Variants in LRRTM4 observed in about 807,000 individuals in gnomAD.
LRRTM4 encodes the protein leucine-rich repeat transmembrane neuronal protein 4.
Under a neutral mutation model 47.6 loss-of-function variants are expected in LRRTM4, and 25 were observed. The ratio of observed to expected loss-of-function variants is 0.53; its 90% confidence interval spans 0.38 to 0.73. The LOEUF is 0.73. Ranked by LOEUF, LRRTM4 falls within the 30% of genes least tolerant of loss-of-function variation. The pLI is 0.00. For missense variants in LRRTM4, 638 were observed against 713.4 expected, an observed-to-expected ratio of 0.89 and a Z score of 1.20; for synonymous variants, 311 against 269.5, an observed-to-expected ratio of 1.15 and a Z score of -1.51.
At chr2:77,201,639 T>C (rs6743825) in intron 3 of LRRTM4, among the ~76,000 whole-genome samples, 29,774 of 151,962 alleles carry the variant, frequency 0.2, 5,615 homozygotes, top group African/African-American at 0.49. Context: ...AGTGTTCTTT[T>C]AATATACCTA....
At chr2:77,485,657 A>T (rs1677881587) in intron 3 of LRRTM4, among the ~76,000 whole-genome samples, 1 of 152,214 alleles carries the variant, frequency 6.6e-6, no homozygotes, top group Non-Finnish European at 1.5e-5. Context: ...CTTGAACAAG[A>T]CAGCCTGGAA....
At chr2:76,810,976 A>AAGTT (rs950040661) in intron 3 of LRRTM4, among the ~76,000 whole-genome samples, 2 of 152,180 alleles carry the variant, frequency 1.3e-5, no homozygotes. Flanking sequence ...GTTAAAAAAA[A>AAGTT]AGTTAATAAC....
At chr2:77,144,841 CA>C (rs1385384047) in intron 3 of LRRTM4, among the ~76,000 whole-genome samples, 6 of 152,112 alleles carry the variant, frequency 3.9e-5, no homozygotes, top group African/African-American at 1.4e-4. Flanking sequence ...ACAACAAGAG[CA>C]AATATATTGA....
chr2:76,807,753 GACTA>G (rs140593639), intron 3 of LRRTM4, among the ~76,000 whole-genome samples: 17,710 of 150,830 alleles, frequency 0.12, 1,352 homozygotes, highest in Admixed American at 0.2. Flanking sequence ...CTCCACACCT[GACTA>G]ACTTTTATAT....
intron 3 of LRRTM4, among the ~76,000 whole-genome samples, chr2:76,872,948 T>A (rs1308840522): frequency 6.6e-6 from 1 of 152,088 alleles, no homozygotes; most frequent in Non-Finnish European, 1.5e-5. Flanking sequence ...CTTTTCACTT[T>A]CCACTATGAT....
chr2:76,853,225 C>A (rs984533396), intron 3 of LRRTM4, among the ~76,000 whole-genome samples: 2 of 152,014 alleles, frequency 1.3e-5, no homozygotes, highest in African/African-American at 4.8e-5. Flanking sequence ...GGGCTATTGT[C>A]GCTATCATAG....
intron 3 of LRRTM4, among the ~76,000 whole-genome samples, chr2:77,065,763 C>CA (rs1679930526): frequency 6.6e-6 from 1 of 152,096 alleles, no homozygotes; most frequent in South Asian, 2.1e-4. Flanking sequence ...AGTCTCCCCC[C>CA]ATTAGTTAAC....
At chr2:77,218,982 G>T (rs560006051) in intron 3 of LRRTM4, among the ~76,000 whole-genome samples, 6 of 152,196 alleles carry the variant, frequency 3.9e-5, no homozygotes, top group African/African-American at 1.2e-4. Flanking sequence ...CGTGCTAGGC[G>T]CTGCCAGAGT....
intron 3 of LRRTM4, among the ~76,000 whole-genome samples, chr2:77,469,680 G>A (rs960461287): frequency 2.0e-5 from 3 of 151,946 alleles, no homozygotes; most frequent in Non-Finnish European, 4.4e-5. Flanking sequence ...CTCTGGAAAG[G>A]AAGATGATTG....
chr2:77,033,769 G>T (rs968184290), intron 3 of LRRTM4, among the ~76,000 whole-genome samples: 18 of 151,432 alleles, frequency 1.2e-4, no homozygotes, highest in Admixed American at 1.2e-3. Context: ...CTATATATGT[G>T]GCTTGTTTGT....
chr2:77,007,603 GGTTT>G (rs1286765582), intron 3 of LRRTM4, among the ~76,000 whole-genome samples: 1 of 152,120 alleles, frequency 6.6e-6, no homozygotes, highest in African/African-American at 2.4e-5. Context: ...TGGCAACATA[GGTTT>G]GTTACTAACT....
intron 3 of LRRTM4, among the ~76,000 whole-genome samples, chr2:77,010,268 TTTGA>T (rs1475875304): frequency 2.0e-5 from 3 of 152,032 alleles, no homozygotes; most frequent in Non-Finnish European, 4.4e-5. Context: ...ATTTGTGTTG[TTTGA>T]TTAATATCCT....
At chr2:77,416,034 T>C (rs746674549) in intron 3 of LRRTM4, among the ~76,000 whole-genome samples, 1 of 152,142 alleles carries the variant, frequency 6.6e-6, no homozygotes, top group Non-Finnish European at 1.5e-5. Context: ...ATTTATAGTA[T>C]AGAATCAAGA....
intron 3 of LRRTM4, among the ~76,000 whole-genome samples, chr2:77,108,419 T>G (rs1671155694): frequency 6.6e-6 from 1 of 152,020 alleles, no homozygotes; most frequent in African/African-American, 2.4e-5. Context: ...ATCAATAATA[T>G]GGACAGTGTT....
chr2:76,801,710 T>C (rs1011459273), intron 3 of LRRTM4, among the ~76,000 whole-genome samples: 7 of 151,546 alleles, frequency 4.6e-5, no homozygotes, highest in African/African-American at 1.7e-4. Context: ...TGAACATGTA[T>C]GAAAAATCCT....
intron 3 of LRRTM4, among the ~76,000 whole-genome samples, chr2:77,151,020 G>A (rs779589304): frequency 2.6e-5 from 4 of 151,950 alleles, no homozygotes; most frequent in Admixed American, 6.6e-5. Flanking sequence ...AAAACTGTTC[G>A]CATATTTACT....
Position 77,518,426 on chromosome 2 carries a change from T to C in LRRTM4, c.1443A>G (p.Leu481=). The C allele has an allele frequency of 6.2e-7, 1 of 1,613,210 alleles. No homozygotes were observed. ...GCTTGTAGTCCACATAATACTCCTG[T>C]AAAGGGGAATTCATTTGTCTTTCAG... The part of the protein sequence containing the change: ...RESERQMNSP[L]QEYYVDYKPT... Residue 481 remains leucine (L), a synonymous_variant, in exon 3 of 4, where the codon TTA becomes TTG. Transcript: ENST00000409884.
At chr2:77,239,407 T>C (rs957887055) in intron 3 of LRRTM4, among the ~76,000 whole-genome samples, 1 of 151,946 alleles carries the variant, frequency 6.6e-6, no homozygotes, top group African/African-American at 2.4e-5. Context: ...AATAGAAAGC[T>C]ACTAGCAAGC....
intron 3 of LRRTM4, among the ~76,000 whole-genome samples, chr2:76,981,212 G>A (rs941593785): frequency 2.6e-5 from 4 of 152,040 alleles, no homozygotes; most frequent in African/African-American, 9.7e-5. Flanking sequence ...GGTTATATGT[G>A]GGAAATACGG....
Sources: allele counts gnomAD v4.1 joint callset (sites outside exome capture counted in the v4.1 genomes callset), GRCh38; gene constraint gnomAD v4.1.1; transcripts MANE v1.5; gene names NCBI Gene and HGNC (gene_info 2026-07-23, HGNC 2026-07-21).